Variants in NPAS1 observed in about 807,000 individuals in gnomAD.
NPAS1 encodes the protein neuronal PAS domain-containing protein 1.
A neutral mutation model predicts 49.2 loss-of-function variants in NPAS1; 29 were observed. That is an observed-to-expected ratio of 0.59 (90% confidence interval 0.44 to 0.80). The LOEUF (loss-of-function observed/expected upper bound fraction) is 0.80. NPAS1 is among the 30% of genes least tolerant of loss of function. The probability of loss-of-function intolerance (pLI) is 0.00; values close to 1 mark genes in which losing one functional copy is unlikely to be tolerated. For missense variants in NPAS1, 825 were observed against 835.5 expected (o/e 0.99, Z 0.15); for synonymous variants, 408 against 380.4 (o/e 1.07, Z -0.84).
At chr19:47,039,232 G>T in intron 7 of NPAS1, 81 bp downstream of exon 7, 1 of 1,469,936 alleles carries the variant, frequency 6.8e-7, no homozygotes, top group Non-Finnish European at 9.2e-7. Flanking sequence ...CAGGCTGGTG[G>T]CTTCACTGGC....
intron 6 of NPAS1, among the ~76,000 whole-genome samples, chr19:47,037,890 A>G (rs538317063): frequency 2.0e-3 from 311 of 152,262 alleles, no homozygotes; most frequent in African/African-American, 7.2e-3. Flanking sequence ...ATTTATTGCT[A>G]TTCCCCAATC....
chr19:47,038,973 G>C, intron 6 of NPAS1, 63 bp from the exon 7 acceptor site: 1 of 1,436,940 alleles, frequency 7.0e-7, no homozygotes, highest in Non-Finnish European at 9.8e-7. Flanking sequence ...CTCTGCAAGG[G>C]TCAGGGTGGC....
intron 3 of NPAS1, among the ~76,000 whole-genome samples, chr19:47,031,523 T>TC (rs375364225): frequency 3.1e-3 from 18 of 5,892 alleles, no homozygotes; most frequent in South Asian, 0.013. Flanking sequence ...TTTCTCTCTT[T>TC]TTTCTTTCTT....
intron 11 of NPAS1, among the ~76,000 whole-genome samples, 185 bp from the exon 12 acceptor site, chr19:47,045,006 G>A (rs2057059213): frequency 6.6e-6 from 1 of 151,922 alleles, no homozygotes; most frequent in Admixed American, 6.5e-5. Context: ...CTCCAGCCTG[G>A]GGGACAGAGC....
intron 3 of NPAS1, among the ~76,000 whole-genome samples, chr19:47,029,536 A>G (rs1266626747): frequency 2.8e-4 from 43 of 151,860 alleles, no homozygotes; most frequent in Admixed American, 2.8e-3. Context: ...AATAGCTGGG[A>G]CCACAGGCAC....
intron 7 of NPAS1, 113 bp from the exon 8 acceptor site, chr19:47,039,294 A>G: frequency 6.7e-7 from 1 of 1,497,296 alleles, no homozygotes; most frequent in East Asian, 2.3e-5. Context: ...GGGGTCACAC[A>G]GTGTCCAGTC....
At chr19:47,042,734 C>T in intron 10 of NPAS1, 76 bp from the exon 11 acceptor site, 3 of 1,268,620 alleles carry the variant, frequency 2.4e-6, no homozygotes, top group Non-Finnish European at 3.3e-6. Flanking sequence ...CACATTGCCA[C>T]AAGTTGGGTA....
intron 3 of NPAS1, among the ~76,000 whole-genome samples, chr19:47,028,299 G>GC (rs1174973643): frequency 2.0e-5 from 3 of 151,972 alleles, no homozygotes; most frequent in Non-Finnish European, 2.9e-5. Context: ...CAACCCCCCA[G>GC]CCCCCCAGTA....
Position 47,045,561 on chromosome 19 carries a change from G to A in NPAS1, c.1683G>A (p.Pro561=), listed in dbSNP as rs1456191591. The change falls in exon 12 of 12, where the codon CCG becomes CCA. Residue 561 remains proline (P), a synonymous_variant. Transcript: ENST00000602212. ...LVYPHLQRLG[P]GPALPEAFYP... ...ACCCGCACCTGCAGAGGCTGGGTCCGGGCCCCGCGCTCCCGGAGGCCTTTT... is the reference window on the plus strand; with the variant it reads ...ACCCGCACCTGCAGAGGCTGGGTCCAGGCCCCGCGCTCCCGGAGGCCTTTT... 2.0e-6 allele frequency: 3 copies of A among 1,506,236 alleles called. No homozygotes were observed. The South Asian group carries it at 3.7e-5, about 19-fold the overall frequency. The allele number at this position is 1,506,236 out of a possible 1,614,324, so 93.3% of individuals were successfully genotyped here.
rs772673444 is a variant in NPAS1 at position 47,032,674 on chromosome 19, A to G, written c.464A>G (p.Gln155Arg). 41 of 1,614,036 alleles carry G rather than the reference A, an allele frequency of 2.5e-5. No homozygotes were observed. The highest frequency in any genetic ancestry group is 3.3e-5 in the Admixed American group (2 of 59,996). ...GATGGCTTTGTGTTCGCCTTGAACC[A>G]GGAAGGAAAATTCCTCTACATCTCA... ...SLDGFVFALN[Q>R]EGKFLYISET... The change falls in exon 5 of 12, where the codon CAG becomes CGG. Residue 155 changes from glutamine (Q) to arginine (R), a missense_variant. Gln to Arg is a conservative substitution (Grantham distance 43). Transcript: ENST00000602212.
At position 47,036,095 on chromosome 19, in the gene NPAS1, C is replaced by G. The variant is rs1012356728; in HGVS notation, c.654C>G (p.Ser218=). The change falls in exon 6 of 12, where the codon TCC becomes TCG. Residue 218 remains serine (S), a synonymous_variant. Transcript: ENST00000602212. Reference sequence around the variant, plus strand: ...CGCCCTCCGTCTCCTCTTCCTCCTCCTCTTCCTCTTCGCTTGCAGATACCC... The same window carrying G: ...CGCCCTCCGTCTCCTCTTCCTCCTCGTCTTCCTCTTCGCTTGCAGATACCC... ...PTPPSVSSSS[S]SSSSLADTPE... is the part of the protein sequence containing the mutation. 1.3e-6 allele frequency: 2 copies of G among 1,578,044 alleles called. No individual in the cohort carries two copies. Among genetic ancestry groups the G allele is most frequent in the African/African-American group, 1.4e-5 (1 of 74,032 alleles).
intron 11 of NPAS1, among the ~76,000 whole-genome samples, chr19:47,044,437 GCA>G (rs1328975030): frequency 6.6e-6 from 1 of 152,220 alleles, no homozygotes; most frequent in Non-Finnish European, 1.5e-5. Flanking sequence ...CATATTGCAT[GCA>G]CAGTGGCCAC....
intron 3 of NPAS1, among the ~76,000 whole-genome samples, chr19:47,024,601 G>A (rs1286714624): frequency 6.6e-6 from 1 of 152,086 alleles, no homozygotes; most frequent in Non-Finnish European, 1.5e-5. Context: ...CGCACAGCTG[G>A]GATTCAAACA....
intron 5 of NPAS1, among the ~76,000 whole-genome samples, chr19:47,034,272 G>A (rs1224475062): frequency 7.2e-6 from 1 of 139,748 alleles, no homozygotes; most frequent in Non-Finnish European, 1.5e-5. Context: ...CGAGATCGTG[G>A]CATTGCACTC....
intron 3 of NPAS1, among the ~76,000 whole-genome samples, chr19:47,027,806 T>G (rs958972995): frequency 2.0e-5 from 3 of 151,966 alleles, no homozygotes; most frequent in Admixed American, 6.6e-5. Flanking sequence ...CCACAGCAAG[T>G]GTTTGTTAAA....
rs1448166216 is a variant in NPAS1 at position 47,021,647 on chromosome 19, C to A, written c.158C>A (p.Ala53Glu). Residue 53 changes from alanine to glutamate, a missense_variant, in exon 3 of 12, where the codon GCG becomes GAG. Ala to Glu is a moderately radical substitution (Grantham distance 107). Coordinates refer to ENST00000602212, the MANE Select transcript of NPAS1 (RefSeq NM_002517.4). This position sits in a 1 kb window ranked among gnomAD's most constrained non-coding sequence, Gnocchi z 5.7. ...CAGCGCAAGGAGAAGTCCCGGAACG[C>A]GGCGCGCTCGCGGCGCGGGAAGGAG... is the stretch of plus-strand genomic sequence containing the variant. ...QAQRKEKSRNAARSRRGKENL... is the reference protein window; with the variant it reads ...QAQRKEKSRNEARSRRGKENL... 3 of 1,550,838 alleles carry A rather than the reference C, an allele frequency of 1.9e-6. No individual in the cohort carries two copies. In the African/African-American group the frequency reaches 4.2e-5, roughly 22 times the overall value.
rs558883418 is a variant in NPAS1, at chr19:47,038,957, G to A, written c.689-79G>A. ...CAGCGGACATCTTGTGTCTATGTCC[G>A]GCTGGCTCTGCAAGGGTCAGGGTGG... On this transcript the variant is annotated intron_variant, in intron 6 of 11. Coordinates refer to ENST00000602212, the MANE Select transcript of NPAS1 (RefSeq NM_002517.4). 4.2e-5 allele frequency: 51 copies of A among 1,220,036 alleles called. No individual in the cohort carries two copies. In the East Asian group the frequency reaches 4.7e-4, roughly 11 times the overall value. The allele number at this position is 1,220,036 out of a possible 1,614,324, so 75.6% of individuals were successfully genotyped here. A position where few individuals can be genotyped will look rare whatever the true frequency, so the allele number is the denominator to read the frequency against.
chr19:47,038,853 C>T (rs148438647), intron 6 of NPAS1, among the ~76,000 whole-genome samples, 183 bp from the exon 7 acceptor site: 332 of 152,178 alleles, frequency 2.2e-3, no homozygotes, highest in African/African-American at 7.8e-3. Context: ...ATGCGGATGG[C>T]TGCCACATAG....
At chr19:47,035,874 G>A in intron 5 of NPAS1, 90 bp from the exon 6 acceptor site, 1 of 1,344,464 alleles carries the variant, frequency 7.4e-7, no homozygotes, top group South Asian at 1.6e-5. Context: ...CCTGCGTGCA[G>A]GCAAATGAGG....
Sources: gnomAD v4.1 joint callset for allele counts (sites outside exome capture counted in the v4.1 genomes callset) on GRCh38, gnomAD v4.1.1 for gene constraint, Gnocchi (gnomAD v3.1) non-coding constraint, MANE v1.5 for transcripts, NCBI Gene and HGNC (gene_info 2026-07-23, HGNC 2026-07-21) for gene names.